Variants in HMGXB4 observed in about 807,000 individuals in gnomAD.
HMGXB4 encodes HMG-box containing 4, also known as HMG domain-containing protein 4.
A neutral mutation model predicts 63.9 loss-of-function variants in HMGXB4; 27 were observed. That is an observed-to-expected ratio of 0.42 (90% CI 0.31 to 0.58). The LOEUF (loss-of-function observed/expected upper bound fraction) is 0.58, where lower values mean the gene tolerates loss of function less well. Ranked by LOEUF, HMGXB4 falls within the 20% of genes least tolerant of loss-of-function variation. The pLI is 0.13. For missense variants in HMGXB4, 624 were observed against 700.7 expected, an observed-to-expected ratio of 0.89 and a Z score of 1.24; for synonymous variants, 264 against 265.3, an observed-to-expected ratio of 0.99 and a Z score of 0.05.
At chr22:35,251,890 G>A in the HMGXB4 span, among the ~76,000 whole-genome samples, 1,931 of 152,064 alleles carry the variant, frequency 0.013, 43 homozygotes, top group African/African-American at 0.044. Context: ...GGTTTGGCTC[G>A]GTTTTGGTGG....
chr22:35,251,136 G>A, the HMGXB4 span, among the ~76,000 whole-genome samples: 3 of 151,384 alleles, frequency 2.0e-5, no homozygotes, highest in South Asian at 2.1e-4. Flanking sequence ...GTGCAGTGGC[G>A]CGATCTTGGC....
intron 5 of HMGXB4, among the ~76,000 whole-genome samples, chr22:35,278,671 TGGG>T (rs1924050590): frequency 6.6e-6 from 1 of 150,866 alleles, no homozygotes; most frequent in African/African-American, 2.4e-5. Context: ...TTTTTTAAGA[TGGG>T]GTCTCACTGT....
At chr22:35,288,579 TATAGAG>T (rs1358228782) in intron 9 of HMGXB4, among the ~76,000 whole-genome samples, 172 bp downstream of exon 9, 20 of 152,376 alleles carry the variant, frequency 1.3e-4, no homozygotes, top group Admixed American at 9.8e-4. Flanking sequence ...CAGAAATATC[TATAGAG>T]ATATTCAGTC....
chr22:35,291,544 C>G (rs1569007953), intron 9 of HMGXB4, among the ~76,000 whole-genome samples: 1 of 151,946 alleles, frequency 6.6e-6, no homozygotes, highest in Non-Finnish European at 1.5e-5. Context: ...CTAGATGTGA[C>G]AAAGATAAAT....
At chr22:35,263,971 C>T in intron 4 of HMGXB4, 97 bp downstream of exon 4, 1 of 1,582,452 alleles carries the variant, frequency 6.3e-7, no homozygotes, top group Non-Finnish European at 8.6e-7. Context: ...ACTCAGTGGC[C>T]TATTTAACAG....
chr22:35,253,904 G>T (rs140110125), upstream of HMGXB4, among the ~76,000 whole-genome samples: 246 of 152,048 alleles, frequency 1.6e-3, 1 homozygote, highest in African/African-American at 5.5e-3. Context: ...GCAATTTAGG[G>T]CATACACACA....
chr22:35,290,646 A>AC (rs1385114133), intron 9 of HMGXB4, among the ~76,000 whole-genome samples: 1 of 150,820 alleles, frequency 6.6e-6, no homozygotes, highest in African/African-American at 2.4e-5. Flanking sequence ...AAAAAAAAAA[A>AC]AAAAAAAGAA....
chr22:35,293,174 A>G, intron 10 of HMGXB4, 60 bp downstream of exon 10: 2 of 1,594,918 alleles, frequency 1.3e-6, no homozygotes, highest in Non-Finnish European at 1.7e-6. Context: ...GCCCTGCCTT[A>G]ATGAGCACTG....
chr22:35,282,208 G>A (rs887264959), intron 5 of HMGXB4, among the ~76,000 whole-genome samples: 2 of 152,060 alleles, frequency 1.3e-5, no homozygotes, highest in East Asian at 1.9e-4. Flanking sequence ...ACGGAGTCTC[G>A]CTCTGTCGCC....
intron 5 of HMGXB4, among the ~76,000 whole-genome samples, chr22:35,272,535 C>T (rs140876563): frequency 6.6e-6 from 1 of 152,310 alleles, no homozygotes; most frequent in East Asian, 1.9e-4. Context: ...TAAAGATCAT[C>T]TCATTGCAGT....
intron 9 of HMGXB4, among the ~76,000 whole-genome samples, chr22:35,291,123 T>C (rs1924907416): frequency 6.6e-6 from 1 of 152,088 alleles, no homozygotes; most frequent in African/African-American, 2.4e-5. Context: ...ATTAGCCAGT[T>C]GTGGTGGTGC....
chr22:35,278,274 C>T (rs1313833678), intron 5 of HMGXB4, among the ~76,000 whole-genome samples: 1 of 152,160 alleles, frequency 6.6e-6, no homozygotes, highest in South Asian at 2.1e-4. Flanking sequence ...GTCTTGGTTG[C>T]TGTCAAGTTT....
chr22:35,251,744 C>A, the HMGXB4 span, among the ~76,000 whole-genome samples: 8 of 152,136 alleles, frequency 5.3e-5, no homozygotes, highest in Non-Finnish European at 1.0e-4. Flanking sequence ...AGGAAGTGCA[C>A]ATATTTAATG....
At chr22:35,244,385 C>G in the HMGXB4 span, among the ~76,000 whole-genome samples, 1 of 151,100 alleles carries the variant, frequency 6.6e-6, no homozygotes, top group African/African-American at 2.4e-5. Context: ...CCTCTGCCTC[C>G]TCGTAAAATA....
At chr22:35,272,471 G>A (rs1923665258) in intron 5 of HMGXB4, among the ~76,000 whole-genome samples, 1 of 152,160 alleles carries the variant, frequency 6.6e-6, no homozygotes, top group African/African-American at 2.4e-5. Context: ...TTTGAGTCCT[G>A]CATTCTAAGG....
At chr22:35,241,893 A>T in the HMGXB4 span, among the ~76,000 whole-genome samples, 4 of 151,996 alleles carry the variant, frequency 2.6e-5, no homozygotes, top group Admixed American at 6.5e-5. Context: ...TGCAAGCCTC[A>T]GCACGCTGCT....
intron 9 of HMGXB4, among the ~76,000 whole-genome samples, chr22:35,288,867 C>T (rs899117728): frequency 2.6e-5 from 4 of 152,138 alleles, no homozygotes; most frequent in Non-Finnish European, 2.9e-5. Context: ...TGGGGCCGGG[C>T]GTGGTGGCTT....
At chr22:35,246,471 C>T in the HMGXB4 span, among the ~76,000 whole-genome samples, 2 of 152,104 alleles carry the variant, frequency 1.3e-5, no homozygotes, top group Non-Finnish European at 2.9e-5. Flanking sequence ...GGCGGGGTTT[C>T]ACCGTGTTAG....
At chr22:35,292,028 A>G (rs1189136585) in intron 9 of HMGXB4, among the ~76,000 whole-genome samples, 1 of 152,220 alleles carries the variant, frequency 6.6e-6, no homozygotes, top group African/African-American at 2.4e-5. Flanking sequence ...AAGGAGGGCT[A>G]GATTTGCATG....
Sources: gnomAD v4.1 joint callset for allele counts (sites outside exome capture counted in the v4.1 genomes callset) on GRCh38, gnomAD v4.1.1 for gene constraint, MANE v1.5 for transcripts, NCBI Gene and HGNC (gene_info 2026-07-23, HGNC 2026-07-21) for gene names.